Variants in PDE10A observed in about 807,000 individuals in gnomAD.
The protein encoded by PDE10A is phosphodiesterase 10A.
In PDE10A, 39 loss-of-function variants were observed where a neutral mutation model predicts 97.7. The observed-to-expected ratio is 0.40, with a 90% confidence interval of 0.31 to 0.52. The LOEUF is 0.52. Ranked by LOEUF, PDE10A falls within the 20% of genes least tolerant of loss-of-function variation. PDE10A has a pLI of 0.56. For synonymous variants in PDE10A, 371 were observed against 376.8 expected, an observed-to-expected ratio of 0.98 and a Z score of 0.18; for missense variants, 731 against 1,047.8, an observed-to-expected ratio of 0.70 and a Z score of 4.17.
In PDE10A at chr6:165,477,452, G is replaced by A. The variant is rs576437234; in HGVS notation, c.1023+4863C>T. 2.2e-3 allele frequency among the ~76,000 whole-genome samples: 339 copies of A among 152,264 alleles called. 2 individuals are homozygous for A. Among genetic ancestry groups the A allele is most frequent in the African/African-American group, 7.7e-3 (320 of 41,532 alleles). The stretch of plus-strand genomic sequence containing the variant: ...CACACACTATGTAAATGCCATGAGC[G>A]CAGGGATTTCTGTCTAGTTTGTCCT... On this transcript the variant is annotated intron_variant, in intron 3 of 21. Transcript: ENST00000539869.
chr6:165,802,483 T>C (rs1256245257), intron 1 of PDE10A, among the ~76,000 whole-genome samples: 1 of 152,154 alleles, frequency 6.6e-6, no homozygotes, highest in East Asian at 1.9e-4. Context: ...TCCAGGGAGA[T>C]GCAAGCAAGG....
chr6:165,824,219 T>C (rs1779659960), intron 1 of PDE10A, among the ~76,000 whole-genome samples: 1 of 152,244 alleles, frequency 6.6e-6, no homozygotes, highest in Admixed American at 6.5e-5. Flanking sequence ...ATAGATTACG[T>C]TCATTAAAAC....
chr6:165,499,638 T>G (rs1319099625), intron 2 of PDE10A, among the ~76,000 whole-genome samples: 2 of 152,216 alleles, frequency 1.3e-5, no homozygotes, highest in African/African-American at 4.8e-5. Context: ...GTCTATAGCT[T>G]GAAGTGACAA....
chr6:165,629,277 G>A (rs1182919128), intron 1 of PDE10A, among the ~76,000 whole-genome samples: 1 of 152,052 alleles, frequency 6.6e-6, no homozygotes, highest in African/African-American at 2.4e-5. Context: ...ATATCCCAGT[G>A]GGACAGAATT....
intron 1 of PDE10A, among the ~76,000 whole-genome samples, chr6:165,930,512 TCA>T (rs1411017639): frequency 6.6e-6 from 1 of 152,226 alleles, no homozygotes; most frequent in African/African-American, 2.4e-5. Flanking sequence ...CCTGCTGAAT[TCA>T]CAGTCCACAG....
At chr6:165,594,700 T>C (rs1786481632) in intron 1 of PDE10A, among the ~76,000 whole-genome samples, 1 of 152,176 alleles carries the variant, frequency 6.6e-6, no homozygotes, top group Non-Finnish European at 1.5e-5. Context: ...ATTCACAAGA[T>C]CTCAAAGTAT....
intron 2 of PDE10A, among the ~76,000 whole-genome samples, chr6:165,483,805 C>G (rs1352012005): frequency 3.3e-5 from 5 of 152,320 alleles, no homozygotes; most frequent in African/African-American, 1.2e-4. Context: ...AAAATTAGTT[C>G]AAGGACAGTG....
Position 165,655,001 on chromosome 6 carries a change from T to C in PDE10A, c.865+6946A>G, listed in dbSNP as rs1789865617. On this transcript the variant is annotated intron_variant, in intron 1 of 21. Coordinates refer to ENST00000539869, the MANE Select transcript of PDE10A (RefSeq NM_001385079.1). This position sits in a 1 kb window ranked among gnomAD's most constrained non-coding sequence, Gnocchi z 4.5. Reference sequence around the variant, plus strand: ...TTCACTCCTGGTCTCCATTCACGACTGTGGCTTCAACGACTACCTTGGTGT... The same window carrying C: ...TTCACTCCTGGTCTCCATTCACGACCGTGGCTTCAACGACTACCTTGGTGT... Among the ~76,000 whole-genome samples, 1 of 152,222 alleles carries C rather than the reference T, an allele frequency of 6.6e-6. No individual in the cohort carries two copies. Among genetic ancestry groups the C allele is most frequent in the Non-Finnish European group, 1.5e-5 (1 of 68,032 alleles).
intron 1 of PDE10A, among the ~76,000 whole-genome samples, chr6:165,858,872 C>T (rs1780821808): frequency 6.6e-6 from 1 of 152,172 alleles, no homozygotes; most frequent in Admixed American, 6.5e-5. Context: ...GGTCTCAGTC[C>T]AGAAATACTC....
intron 18 of PDE10A, among the ~76,000 whole-genome samples, chr6:165,369,897 G>A (rs9459391): frequency 0.47 from 70,434 of 151,110 alleles, 17,321 homozygotes; most frequent in African/African-American, 0.63. Context: ...AAACCCTACA[G>A]GCCAGAAGAG....
intron 1 of PDE10A, among the ~76,000 whole-genome samples, chr6:165,700,177 C>G (rs1359595849): frequency 6.6e-6 from 1 of 152,094 alleles, no homozygotes; most frequent in Admixed American, 6.6e-5. Context: ...AAACATTATG[C>G]TCAGTGAAAG....
intron 1 of PDE10A, among the ~76,000 whole-genome samples, chr6:165,953,417 C>T (rs61195005): frequency 0.057 from 8,603 of 151,946 alleles, 569 homozygotes; most frequent in African/African-American, 0.16. Flanking sequence ...ATGGTGAAAC[C>T]CCATCTCTAT....
intron 1 of PDE10A, among the ~76,000 whole-genome samples, chr6:165,943,327 G>GAGAAAGAA (rs1783639784): frequency 1.8e-4 from 13 of 72,556 alleles, no homozygotes; most frequent in Non-Finnish European, 2.4e-4. Flanking sequence ...AGGAAAGAAA[G>GAGAAAGAA]AAAAAGAAAG....
In PDE10A at chr6:165,804,796, C is replaced by A. The variant is rs922930182; in HGVS notation, c.-615+182733G>T. On this transcript the variant is annotated intron_variant, in intron 1 of 19. Coordinates refer to the PDE10A transcript ENST00000366882. ...GGGGGACTGGGCGACGGCCCCGGGG[C>A]CGGGCCGCGGGCGGAGACTGACAGG... Among the ~76,000 whole-genome samples the A allele has an allele frequency of 4.0e-4, 60 of 151,396 alleles. 1 individual carries two copies. The highest frequency in any genetic ancestry group is 1.2e-3 in the Admixed American group (18 of 15,230).
chr6:165,775,120 A>C (rs952616936), intron 1 of PDE10A: 2 of 152,308 alleles, frequency 1.3e-5, no homozygotes, highest in Admixed American at 6.5e-5. Flanking sequence ...GTCCAAGTGC[A>C]ATATGAGTAT....
chr6:165,794,050 T>C (rs1430205886), intron 1 of PDE10A, among the ~76,000 whole-genome samples: 1 of 152,118 alleles, frequency 6.6e-6, no homozygotes, highest in African/African-American at 2.4e-5. Context: ...GATTCAAAAG[T>C]CGAGCCGTTT....
At chr6:165,594,853 C>T (rs909716063) in intron 1 of PDE10A, among the ~76,000 whole-genome samples, 6 of 152,046 alleles carry the variant, frequency 3.9e-5, no homozygotes, top group African/African-American at 1.5e-4. Context: ...TTGTGCCAAG[C>T]CAAAGAACCA....
chr6:165,862,676 CTTTTTTTT>C lies in PDE10A; in HGVS notation c.-615+124845_-615+124852del, dbSNP rs200141487. Among the ~76,000 whole-genome samples the C allele has an allele frequency of 2.5e-3, 350 of 140,760 alleles. 4 individuals are homozygous for C. Among genetic ancestry groups the C allele is most frequent in the South Asian group, 0.011 (51 of 4,450 alleles). 92.3% of individuals were successfully genotyped at this position (140,760 alleles called of 152,430 possible). A position where few individuals can be genotyped will look rare whatever the true frequency, so the allele number is the denominator to read the frequency against. On this transcript the variant is annotated intron_variant, in intron 1 of 19. Coordinates refer to the PDE10A transcript ENST00000366882. ...TAGAACCTCAACAGAAGCAGTCGTC[CTTTTTTTT>C]TTTTTTTTTTTTTGAGACGGAGTCT... is the stretch of plus-strand genomic sequence containing the variant.
At chr6:165,653,506 C>G (rs1345250068) in intron 1 of PDE10A, among the ~76,000 whole-genome samples, 3 of 152,204 alleles carry the variant, frequency 2.0e-5, no homozygotes, top group Non-Finnish European at 4.4e-5. Flanking sequence ...CTGAATCACA[C>G]TGAGGAAGTG....
Sources: gnomAD v4.1 joint callset for allele counts (sites outside exome capture counted in the v4.1 genomes callset) on GRCh38, gnomAD v4.1.1 for gene constraint, Gnocchi (gnomAD v3.1) non-coding constraint, MANE v1.5 for transcripts, NCBI Gene and HGNC (gene_info 2026-07-23, HGNC 2026-07-21) for gene names.